Variants in ZNF318 observed in about 807,000 individuals in gnomAD.
ZNF318 encodes the protein endocrine regulator.
ZNF318 carries 51 observed loss-of-function variants against 124.2 expected under a neutral mutation model. The ratio of observed to expected loss-of-function variants is 0.41; its 90% CI spans 0.33 to 0.52. The LOEUF (loss-of-function observed/expected upper bound fraction) is 0.52, where lower values mean the gene tolerates loss of function less well. Among genes scored for constraint, ZNF318 ranks in the 20% least tolerant of loss-of-function variants. The pLI, the probability that ZNF318 is intolerant of heterozygous loss-of-function variation, is 0.23. For missense variants in ZNF318, 2,815 were observed against 2,811.2 expected (o/e 1.00, Z -0.03); for synonymous variants, 1,090 against 1,040.7 (o/e 1.05, Z -0.91).
intron 2 of ZNF318, chr6:43,364,213 G>C (rs1779728095): frequency 4.3e-6 from 3 of 694,768 alleles, no homozygotes; most frequent in Non-Finnish European, 7.5e-6. Context: ...CTCCCTATCA[G>C]GAATTCACTG....
intron 1 of ZNF318, among the ~76,000 whole-genome samples, chr6:43,367,128 G>A (rs1430266014): frequency 6.6e-6 from 1 of 152,220 alleles, no homozygotes; most frequent in Admixed American, 6.5e-5. Flanking sequence ...GGGATTACAG[G>A]CGTGAGCCAC....
chr6:43,345,290 A>G (rs1779424905), intron 6 of ZNF318, among the ~76,000 whole-genome samples: 3 of 151,768 alleles, frequency 2.0e-5, no homozygotes, highest in Admixed American at 6.6e-5. Flanking sequence ...CTCTAGGTAG[A>G]TGAAATTACA....
Position 43,340,801 on chromosome 6 carries a change from C to T in ZNF318, c.3484G>A (p.Glu1162Lys). ...EQHVKGHQHNEKYKKYVDENP... is the reference protein window; with the variant it reads ...EQHVKGHQHNKKYKKYVDENP... ...CTACAAAGACCAACCTTGTATTTCTCATTGTGTTGGTGACCCTTCACATGT... is the reference window on the plus strand; with the variant it reads ...CTACAAAGACCAACCTTGTATTTCTTATTGTGTTGGTGACCCTTCACATGT... The change falls in exon 9 of 10, where the codon GAG becomes AAG. Residue 1162 changes from glutamate (E) to lysine (K), a missense_variant. Glu to Lys is a moderately conservative substitution (Grantham distance 56). Around this residue, in one of 4 missense-constraint regions of ZNF318, gnomAD observed 500 missense variants for 605.2 expected, o/e 0.83. Transcript: ENST00000361428. The T allele has an allele frequency of 6.2e-7, 1 of 1,612,914 alleles. No homozygotes were observed. Among genetic ancestry groups the T allele is most frequent in the African/African-American group, 1.3e-5 (1 of 75,018 alleles).
Position 43,357,313 on chromosome 6 carries a change from C to A in ZNF318, c.1001G>T (p.Ser334Ile), listed in dbSNP as rs1181444850. 3.1e-6 allele frequency: 5 copies of A among 1,614,064 alleles called. No individual in the cohort carries two copies. The highest frequency in any genetic ancestry group is 4.2e-6 in the Non-Finnish European group (5 of 1,180,034). Residue 334 changes from serine (S) to isoleucine (I), a missense_variant, in exon 3 of 10, where the codon AGC (serine) becomes ATC (isoleucine). Coordinates refer to ENST00000361428, the MANE Select transcript of ZNF318 (RefSeq NM_014345.3). ...AACTCCAACCAGCTCCTGACTCAAG[C>A]TCCTACTTCGCTCCTCCTCTTCCTC... ...KREEEEERSRSLSQELVGVDG... is the reference protein window; with the variant it reads ...KREEEEERSRILSQELVGVDG...
rs75785714 is a variant in ZNF318 at position 43,347,665 on chromosome 6, G to A, written c.3072+659C>T. Among the ~76,000 whole-genome samples, 315 of 152,258 alleles carry A rather than the reference G, an allele frequency of 2.1e-3. 3 individuals are homozygous for A. The highest frequency in any genetic ancestry group is 3.2e-3 in the Non-Finnish European group (215 of 68,024). The stretch of plus-strand genomic sequence containing the variant: ...TAATGAAGTGGAAATGGTGAGTTAC[G>A]TTGTTAGACACTCAGAAGACTCATT... On this transcript the variant is annotated intron_variant, in intron 6 of 9. Coordinates refer to ENST00000361428, the MANE Select transcript of ZNF318 (RefSeq NM_014345.3).
Position 43,337,220 on chromosome 6 carries a change from G to A in ZNF318, c.6778C>T (p.Pro2260Ser). Residue 2260 changes from proline (P) to serine (S), a missense_variant, in exon 10 of 10, where the codon CCT becomes TCT. Pro to Ser is a moderately conservative substitution (Grantham distance 74). Transcript: ENST00000361428. ...GCACCAACTGTAGTTTCCTGTTCAG[G>A]CATTCCCTGAGGGACCATATTGTCT... ...IEDNMVPQGM[P>S]EQETTVGAIQ... 1.2e-5 allele frequency: 20 copies of A among 1,613,874 alleles called. No individual in the cohort carries two copies. The highest frequency in any genetic ancestry group is 1.7e-5 in the Non-Finnish European group (20 of 1,179,890).
chr6:43,341,896 T>C (rs538053542), intron 8 of ZNF318, among the ~76,000 whole-genome samples: 205 of 152,304 alleles, frequency 1.3e-3, no homozygotes, highest in African/African-American at 4.7e-3. Flanking sequence ...CATCTGTGAA[T>C]AGATTTTTGG....
At chr6:43,365,146 T>A (rs1301078470) in intron 2 of ZNF318, 146 bp downstream of exon 2, 8 of 764,034 alleles carry the variant, frequency 1.0e-5, no homozygotes, top group Admixed American at 3.0e-5. Flanking sequence ...AGAAATTCTA[T>A]CCCAGCGTTT....
Position 43,338,440 on chromosome 6 carries a change from A to G in ZNF318, c.5558T>C (p.Ile1853Thr). ...AGAGCAAGCCTGTGGACTCAATTTG[A>G]TCACTACTTTACTTGGAGTTTCACT... ...TGSETPSKVVIKLSPQACSFT... is the reference protein window; with the variant it reads ...TGSETPSKVVTKLSPQACSFT... The change falls in exon 10 of 10, where the codon ATC (isoleucine) becomes ACC (threonine). Residue 1853 changes from isoleucine to threonine, a missense_variant. Coordinates refer to ENST00000361428, the MANE Select transcript of ZNF318 (RefSeq NM_014345.3). 1 of 1,614,208 alleles carries G rather than the reference A, an allele frequency of 6.2e-7. No individual in the cohort carries two copies. The highest frequency in any genetic ancestry group is 8.5e-7 in the Non-Finnish European group (1 of 1,180,044).
rs1235856500 is a variant in ZNF318 at position 43,357,108 on chromosome 6, A to C, written c.1188+18T>G. On this transcript the variant is annotated intron_variant, in intron 3 of 9. Coordinates refer to ENST00000361428, the MANE Select transcript of ZNF318 (RefSeq NM_014345.3). ...TAGGGAGACTAGCAAGAGGCCCTACAAGAAATGCAGCAGAGACCTGCATGG... is the reference window on the plus strand; with the variant it reads ...TAGGGAGACTAGCAAGAGGCCCTACCAGAAATGCAGCAGAGACCTGCATGG... 3 of 1,590,366 alleles carry C rather than the reference A, an allele frequency of 1.9e-6. No individual in the cohort carries two copies. The highest frequency in any genetic ancestry group is 1.7e-6 in the Non-Finnish European group (2 of 1,169,210).
chr6:43,362,437 G>A (rs1254616428), intron 2 of ZNF318, among the ~76,000 whole-genome samples: 2 of 150,046 alleles, frequency 1.3e-5, no homozygotes, highest in East Asian at 2.0e-4. Flanking sequence ...AGGCAACAGT[G>A]CAAGACTCTG....
intron 2 of ZNF318, among the ~76,000 whole-genome samples, chr6:43,359,162 G>A (rs62402403): frequency 6.6e-6 from 1 of 152,166 alleles, no homozygotes; most frequent in Non-Finnish European, 1.5e-5. Flanking sequence ...AACCCATAAA[G>A]CTCTCTCACA....
Position 43,338,483 on chromosome 6 carries a change from T to C in ZNF318, c.5515A>G (p.Asn1839Asp). Residue 1839 changes from asparagine to aspartate, a missense_variant, in exon 10 of 10, where the codon AAT becomes GAT. Physicochemically the swap from Asn to Asp is conservative, Grantham distance 23 (BLOSUM62 1). This residue lies in a region of ZNF318 where 927 missense variants were observed against 820.6 expected (regional missense o/e 1.13). Transcript: ENST00000361428. The stretch of plus-strand genomic sequence containing the variant: ...GTTTCACTTCCTGTCATCAATTTAT[T>C]GGACTGTTCAGCCTCTTTGTCAATC... ...LMIDKEAEQS[N>D]KLMTGSETPS... is the part of the protein sequence containing the mutation. The C allele has an allele frequency of 6.2e-7, 1 of 1,614,226 alleles. No homozygotes were observed. Among genetic ancestry groups the C allele is most frequent in the African/African-American group, 1.3e-5 (1 of 75,070 alleles).
rs1407727942 is a variant in ZNF318, at chr6:43,336,296, CCTTCA to C, written c.*857_*861del. 1 of 152,568 alleles carries C rather than the reference CCTTCA, an allele frequency of 6.6e-6. No homozygotes were observed. The highest frequency in any genetic ancestry group is 1.9e-4 in the East Asian group (1 of 5,196). 9.5% of individuals were successfully genotyped at this position (152,568 alleles called of 1,614,324 possible). A position where few individuals can be genotyped will look rare whatever the true frequency, so the allele number is the denominator to read the frequency against. On this transcript the variant is annotated 3_prime_UTR_variant, in exon 10 of 10. Transcript: ENST00000361428. ...AGACAAGTTTCAGAGATCTTCTACC[CCTTCA>C]CAACACAAATGGCTGCTAAACAATT...
At position 43,339,919 on chromosome 6, in the gene ZNF318, C is replaced by T; in HGVS notation, c.4079G>A (p.Arg1360His). 3.1e-6 allele frequency: 5 copies of T among 1,614,056 alleles called. No homozygotes were observed. The highest frequency in any genetic ancestry group is 3.4e-6 in the Non-Finnish European group (4 of 1,180,024). The change falls in exon 10 of 10, where the codon CGC becomes CAC. Residue 1360 changes from arginine (R) to histidine (H), a missense_variant. Physicochemically the swap from Arg to His is conservative, Grantham distance 29. Coordinates refer to ENST00000361428, the MANE Select transcript of ZNF318 (RefSeq NM_014345.3). The surrounding 1 kb of genome is among the most constrained non-coding windows in gnomAD (Gnocchi z 4.2). Reference protein sequence around the residue: ...PNLPIPSTVLRKSCSATMSKP... With the variant: ...PNLPIPSTVLHKSCSATMSKP... ...GCTCATTGTGGCTGAACATGACTTGCGGAGTACTGTGGATGGAATAGGCAG... is the reference window on the plus strand; with the variant it reads ...GCTCATTGTGGCTGAACATGACTTGTGGAGTACTGTGGATGGAATAGGCAG...
At position 43,342,119 on chromosome 6, in the gene ZNF318, A is replaced by G. The variant is rs1779379657; in HGVS notation, c.3369T>C (p.Pro1123=). Residue 1123 remains proline (P), a synonymous_variant, in exon 8 of 10, where the codon CCT becomes CCC. Coordinates refer to ENST00000361428, the MANE Select transcript of ZNF318 (RefSeq NM_014345.3). The part of the protein sequence containing the change: ...AIKRTDKITV[P]AKGSEFLVPI... ...GGCAAAAAGGAAACATACCTTTTGC[A>G]GGAACAGTTATCTTGTCAGTGCGCT... 1 of 1,614,120 alleles carries G rather than the reference A, an allele frequency of 6.2e-7. No individual in the cohort carries two copies. Among genetic ancestry groups the G allele is most frequent in the African/African-American group, 1.3e-5 (1 of 75,038 alleles).
At position 43,357,598 on chromosome 6, in the gene ZNF318, T is replaced by A; in HGVS notation, c.716A>T (p.His239Leu). The A allele has an allele frequency of 6.2e-7, 1 of 1,614,150 alleles. No individual in the cohort carries two copies. Residue 239 changes from histidine to leucine, a missense_variant, in exon 3 of 10, where the codon CAT becomes CTT. Coordinates refer to ENST00000361428, the MANE Select transcript of ZNF318 (RefSeq NM_014345.3). ...CAACAGCTCATCATGACAACTGATA[T>A]GGGGACTATAATCAGATCGATGCAG... Reference protein sequence around the residue: ...TFLHRSDYSPHISCHDELLRG... With the variant: ...TFLHRSDYSPLISCHDELLRG...
intron 2 of ZNF318, among the ~76,000 whole-genome samples, chr6:43,361,521 C>T (rs371952309): frequency 6.6e-6 from 1 of 152,090 alleles, no homozygotes; most frequent in Non-Finnish European, 1.5e-5. Context: ...ACTATGATCA[C>T]GCCACTGCAC....
Position 43,357,118 on chromosome 6 carries a change from G to A in ZNF318, c.1188+8C>T, listed in dbSNP as rs1779619534. 1 of 1,601,626 alleles carries A rather than the reference G, an allele frequency of 6.2e-7. No individual in the cohort carries two copies. Among genetic ancestry groups the A allele is most frequent in the East Asian group, 2.2e-5 (1 of 44,830 alleles). ...AGCAAGAGGCCCTACAAGAAATGCAGCAGAGACCTGCATGGAGGGCTCCAT... is the reference window on the plus strand; with the variant it reads ...AGCAAGAGGCCCTACAAGAAATGCAACAGAGACCTGCATGGAGGGCTCCAT... On this transcript the variant is annotated splice_region_variant and intron_variant, in intron 3 of 9. Transcript: ENST00000361428.
Sources: allele counts gnomAD v4.1 joint callset (sites outside exome capture counted in the v4.1 genomes callset), GRCh38; gene constraint gnomAD v4.1.1; regional missense constraint gnomAD v4.1.1; non-coding constraint Gnocchi (gnomAD v3.1); transcripts MANE v1.5; gene names NCBI Gene and HGNC (gene_info 2026-07-23, HGNC 2026-07-21).